The following ZNF827 variants were observed in gnomAD, a reference collection of about 807,000 sequenced individuals.
ZNF827 encodes zinc finger protein 827.
In ZNF827, 13 loss-of-function variants were observed where a neutral mutation model predicts 102.4. The ratio of observed to expected loss-of-function variants is 0.13; its 90% CI spans 0.08 to 0.20. The LOEUF (loss-of-function observed/expected upper bound fraction) is 0.20, where lower values mean the gene tolerates loss of function less well. ZNF827 is among the 10% of genes least tolerant of loss of function. ZNF827 has a pLI of 1.00. For synonymous variants in ZNF827, 523 were observed against 536.2 expected (o/e 0.98, Z 0.34); for missense variants, 1,103 against 1,344.4 (o/e 0.82, Z 2.81).
At chr4:145,890,420 C>CG (rs1271490592) in intron 3 of ZNF827, among the ~76,000 whole-genome samples, 5 of 152,166 alleles carry the variant, frequency 3.3e-5, no homozygotes, top group Admixed American at 3.3e-4. Flanking sequence ...CTGCCATGGC[C>CG]GGCCGTCTGT....
intron 1 of ZNF827, among the ~76,000 whole-genome samples, chr4:145,935,853 G>A (rs563040265): frequency 6.6e-6 from 1 of 152,150 alleles, no homozygotes; most frequent in African/African-American, 2.4e-5. Context: ...AAGGTCATCA[G>A]CAGGGCACGC....
At position 145,926,224 on chromosome 4, in the gene ZNF827, A is replaced by G. The variant is rs79587293; in HGVS notation, c.43+12141T>C. Among the ~76,000 whole-genome samples the G allele has an allele frequency of 3.0e-3, 456 of 152,336 alleles. 3 individuals carry two copies. Among genetic ancestry groups the G allele is most frequent in the East Asian group, 0.021 (108 of 5,188 alleles). The stretch of plus-strand genomic sequence containing the variant: ...TATCGGTTATCACACACAAGCTGAG[A>G]ATTTAGGATGAATAACAATTTACTC... On this transcript the variant is annotated intron_variant, in intron 1 of 14. Coordinates refer to ENST00000508784, the MANE Select transcript of ZNF827 (RefSeq NM_001306215.2).
intron 11 of ZNF827, among the ~76,000 whole-genome samples, chr4:145,766,948 G>A (rs1027716609): frequency 6.6e-6 from 1 of 152,258 alleles, no homozygotes; most frequent in Admixed American, 6.5e-5. Flanking sequence ...TTTCCAGGTA[G>A]CTATCTGCAT....
rs997821138 is a variant in ZNF827, at chr4:145,763,699, T to C, written c.3231-577A>G. ...GTCCAACCACAGAAAAACATGGTTCTGGTGTTTCTCTTTTTAAAATGAGAG... is the reference window on the plus strand; with the variant it reads ...GTCCAACCACAGAAAAACATGGTTCCGGTGTTTCTCTTTTTAAAATGAGAG... On this transcript the variant is annotated intron_variant, in intron 13 of 14. Coordinates refer to ENST00000508784, the MANE Select transcript of ZNF827 (RefSeq NM_001306215.2). The surrounding 1 kb of genome is among the most constrained non-coding windows in gnomAD (Gnocchi z 4.6). Among the ~76,000 whole-genome samples, 13 of 152,378 alleles carry C rather than the reference T, an allele frequency of 8.5e-5. No homozygotes were observed. In the East Asian group the frequency reaches 2.5e-3, roughly 29 times the overall value.
intron 11 of ZNF827, 122 bp downstream of exon 11, chr4:145,774,384 T>G: frequency 8.8e-7 from 1 of 1,136,360 alleles, no homozygotes; most frequent in Non-Finnish European, 1.3e-6. Context: ...GGAAAGTCCT[T>G]CCTTCCATGG....
chr4:145,805,986 T>C (rs1374951437), intron 8 of ZNF827, among the ~76,000 whole-genome samples: 1 of 152,028 alleles, frequency 6.6e-6, no homozygotes, highest in African/African-American at 2.4e-5. Flanking sequence ...CTTATTTTTT[T>C]TCATGATGTT....
Position 145,902,560 on chromosome 4 carries a change from C to G in ZNF827, c.699G>C (p.Glu233Asp), listed in dbSNP as rs760819675. 7.4e-6 allele frequency: 12 copies of G among 1,614,116 alleles called. No individual in the cohort carries two copies. The highest frequency in any genetic ancestry group is 6.7e-5 in the Admixed American group (4 of 60,020). Reference sequence around the variant, plus strand: ...AGGAAAAGGACTCAAATCGCATGGTCTCCTCAGTCCTGGTGAGAGATTTGT... The same window carrying G: ...AGGAAAAGGACTCAAATCGCATGGTGTCCTCAGTCCTGGTGAGAGATTTGT... ...LQDKSLTRTE[E>D]TMRFESFSSP... The change falls in exon 2 of 15, where the codon GAG becomes GAC. Residue 233 changes from glutamate (E) to aspartate (D), a missense_variant. Physicochemically the swap from Glu to Asp is conservative, Grantham distance 45. This residue lies in a region of ZNF827 where 441 missense variants were observed against 458.6 expected (regional missense o/e 0.96). Coordinates refer to ENST00000508784, the MANE Select transcript of ZNF827 (RefSeq NM_001306215.2). The surrounding 1 kb of genome is among the most constrained non-coding windows in gnomAD (Gnocchi z 4.3).
chr4:145,795,804 G>C (rs1485740107), intron 8 of ZNF827, among the ~76,000 whole-genome samples: 9 of 152,220 alleles, frequency 5.9e-5, no homozygotes. Flanking sequence ...GAAAATCTTT[G>C]CTGTATCTGC....
At chr4:145,884,774 T>A (rs1263749384) in intron 4 of ZNF827, among the ~76,000 whole-genome samples, 1 of 152,206 alleles carries the variant, frequency 6.6e-6, no homozygotes, top group African/African-American at 2.4e-5. Flanking sequence ...ATAGAAAGAA[T>A]GTCAACTAAT....
At chr4:145,937,671 G>T (rs1302757762) in intron 1 of ZNF827, among the ~76,000 whole-genome samples, 3 of 131,490 alleles carry the variant, frequency 2.3e-5, no homozygotes, top group African/African-American at 8.5e-5. Context: ...CTCCCCAGCC[G>T]CTCCCGCCTC....
At chr4:145,811,254 C>CA (rs1240007775) in intron 8 of ZNF827, among the ~76,000 whole-genome samples, 3 of 152,188 alleles carry the variant, frequency 2.0e-5, no homozygotes, top group African/African-American at 7.2e-5. Flanking sequence ...CCTCGCCTCC[C>CA]AAAGTGCCAG....
intron 1 of ZNF827, among the ~76,000 whole-genome samples, chr4:145,931,887 G>A (rs1753831118): frequency 6.6e-6 from 1 of 152,168 alleles, no homozygotes; most frequent in Non-Finnish European, 1.5e-5. Flanking sequence ...CTCACACCTT[G>A]TGCTGCAGTC....
chr4:145,890,234 C>T (rs1750487846), intron 3 of ZNF827, among the ~76,000 whole-genome samples: 1 of 152,198 alleles, frequency 6.6e-6, no homozygotes, highest in Non-Finnish European at 1.5e-5. Flanking sequence ...TGCATGAGCT[C>T]TTCTCACACT....
At chr4:145,937,699 C>G (rs1754313343) in intron 1 of ZNF827, among the ~76,000 whole-genome samples, 1 of 145,680 alleles carries the variant, frequency 6.9e-6, no homozygotes, top group Admixed American at 6.8e-5. Flanking sequence ...CCCGACTCCC[C>G]TCCTCCGCCG....
intron 7 of ZNF827, among the ~76,000 whole-genome samples, chr4:145,823,882 CTG>C (rs1743407419): frequency 6.6e-6 from 1 of 152,290 alleles, no homozygotes; most frequent in East Asian, 1.9e-4. Context: ...AAGGGCCTGT[CTG>C]TGGTTTTCCC....
At chr4:145,883,918 A>G (rs1319299446) in intron 4 of ZNF827, among the ~76,000 whole-genome samples, 1 of 152,230 alleles carries the variant, frequency 6.6e-6, no homozygotes, top group Non-Finnish European at 1.5e-5. Context: ...GTGAAATCCT[A>G]AAGGATCAGA....
chr4:145,761,454 G>T lies in ZNF827; in HGVS notation c.*162C>A. On this transcript the variant is annotated 3_prime_UTR_variant, in exon 15 of 15. Transcript: ENST00000508784. The surrounding 1 kb of genome is among the most constrained non-coding windows in gnomAD (Gnocchi z 6.8). ...CGCACTTGTAGTGGTTGCCCAGGCG[G>T]TGCTCCCGGGTGTGCGTCTCCAGCT... The T allele has an allele frequency of 7.8e-7, 1 of 1,289,852 alleles. No homozygotes were observed. The highest frequency in any genetic ancestry group is 1.0e-6 in the Non-Finnish European group (1 of 988,870). The allele number at this position is 1,289,852 out of a possible 1,614,324, so 79.9% of individuals were successfully genotyped here.
intron 5 of ZNF827, among the ~76,000 whole-genome samples, chr4:145,851,490 A>T (rs1240016630): frequency 6.6e-6 from 1 of 152,224 alleles, no homozygotes; most frequent in Non-Finnish European, 1.5e-5. Flanking sequence ...ATACACGTAT[A>T]TAGTTTATTG....
intron 1 of ZNF827, among the ~76,000 whole-genome samples, chr4:145,915,954 A>G (rs1027180735): frequency 5.3e-5 from 8 of 152,266 alleles, no homozygotes; most frequent in African/African-American, 1.9e-4. Flanking sequence ...AAAACCCAAC[A>G]GGGAAAACAA....
Sources: gnomAD v4.1 joint callset for allele counts (sites outside exome capture counted in the v4.1 genomes callset) on GRCh38, gnomAD v4.1.1 for gene constraint, gnomAD v4.1.1 regional missense constraint, Gnocchi (gnomAD v3.1) non-coding constraint, MANE v1.5 for transcripts, NCBI Gene and HGNC (gene_info 2026-07-23, HGNC 2026-07-21) for gene names.